The following LUZP1 variants were observed in gnomAD, a reference collection of about 807,000 sequenced individuals.
The protein encoded by LUZP1 is filamin mechanobinding actin cross-linking protein.
LUZP1 carries 25 observed loss-of-function variants against 71.3 expected under a neutral mutation model. The ratio of observed to expected loss-of-function variants is 0.35; its 90% CI spans 0.26 to 0.49. The LOEUF is 0.49. LUZP1 is among the 20% of genes least tolerant of loss of function. The pLI is 0.99. For missense variants in LUZP1, 1,142 were observed against 1,300.8 expected, an observed-to-expected ratio of 0.88 and a Z score of 1.88; for synonymous variants, 481 against 506.4, an observed-to-expected ratio of 0.95 and a Z score of 0.67.
chr1:23,137,378 C>T (rs1048058873), intron 2 of LUZP1, among the ~76,000 whole-genome samples: 6 of 152,324 alleles, frequency 3.9e-5, no homozygotes, highest in Admixed American at 3.3e-4. Context: ...TGGTGGCTCA[C>T]ACCTGTAATC....
exon 5 of LUZP1, chr1:23,087,819 A>AT (rs1316282466): frequency 6.5e-6 from 1 of 152,674 alleles, no homozygotes; most frequent in East Asian, 1.9e-4. Flanking sequence ...CGAAGTCATC[A>AT]TGATAGTCGA....
intron 2 of LUZP1, among the ~76,000 whole-genome samples, chr1:23,151,895 G>A (rs1052459146): frequency 7.3e-5 from 11 of 151,694 alleles, no homozygotes; most frequent in South Asian, 4.2e-4. Flanking sequence ...CCAGCTGCTC[G>A]GGAGGCTGAG....
At chr1:23,113,232 C>T (rs1333686641) in intron 2 of LUZP1, among the ~76,000 whole-genome samples, 1 of 151,806 alleles carries the variant, frequency 6.6e-6, no homozygotes, top group Non-Finnish European at 1.5e-5. Flanking sequence ...ACTGTCTCTA[C>T]AAAAAATGAA....
intron 2 of LUZP1, among the ~76,000 whole-genome samples, chr1:23,151,764 G>C (rs1644386598): frequency 6.6e-6 from 1 of 152,150 alleles, no homozygotes. Context: ...CTGCACTTGG[G>C]AGGCCAGGGC....
chr1:23,149,019 T>C (rs922759222), intron 2 of LUZP1, among the ~76,000 whole-genome samples: 2 of 129,020 alleles, frequency 1.6e-5, no homozygotes, highest in East Asian at 4.5e-4. Context: ...AGGTCGAGGC[T>C]GCAGTGAGCC....
At chr1:23,142,068 A>T (rs1199974167) in intron 2 of LUZP1, among the ~76,000 whole-genome samples, 1 of 146,618 alleles carries the variant, frequency 6.8e-6, no homozygotes, top group Non-Finnish European at 1.5e-5. Flanking sequence ...GTGGTCTTGA[A>T]CTCCCAACCT....
intron 2 of LUZP1, among the ~76,000 whole-genome samples, chr1:23,125,925 G>A (rs1306902918): frequency 1.3e-5 from 2 of 152,110 alleles, no homozygotes; most frequent in African/African-American, 4.8e-5. Flanking sequence ...ACTTCATATG[G>A]ATATACAATT....
At chr1:23,110,635 TACACACACACAC>T (rs1553137224) in intron 2 of LUZP1, among the ~76,000 whole-genome samples, 1 of 41,848 alleles carries the variant, frequency 2.4e-5, no homozygotes, top group Non-Finnish European at 8.5e-5. Flanking sequence ...CGCGCACACA[TACACACACACAC>T]ACACACACAC....
At chr1:23,088,078 A>G (rs1643792962) in exon 5 of LUZP1, 1 of 152,658 alleles carries the variant, frequency 6.6e-6, no homozygotes, top group Admixed American at 6.5e-5. Context: ...GGAAACAATG[A>G]AGTCAGCTTG....
chr1:23,116,179 G>A (rs923041201), intron 2 of LUZP1, among the ~76,000 whole-genome samples: 5 of 152,114 alleles, frequency 3.3e-5, no homozygotes, highest in Admixed American at 6.5e-5. Flanking sequence ...TCAGGAGATC[G>A]AGACCAGCCT....
At chr1:23,165,062 T>C (rs1263540363) in intron 2 of LUZP1, among the ~76,000 whole-genome samples, 1 of 152,232 alleles carries the variant, frequency 6.6e-6, no homozygotes, top group Admixed American at 6.5e-5. Context: ...TAAATGTCTC[T>C]CCTTATTCTT....
intron 2 of LUZP1, among the ~76,000 whole-genome samples, chr1:23,111,391 C>CAA (rs530620134): frequency 2.1e-4 from 30 of 141,172 alleles, no homozygotes; most frequent in Non-Finnish European, 2.5e-4. Context: ...CCCATCTCTA[C>CAA]AAAAAAAAAA....
At chr1:23,111,496 G>C (rs1200881260) in intron 2 of LUZP1, among the ~76,000 whole-genome samples, 1 of 152,104 alleles carries the variant, frequency 6.6e-6, no homozygotes, top group Non-Finnish European at 1.5e-5. Flanking sequence ...AGAAGTTTGA[G>C]GCTGCTGTGA....
At chr1:23,159,211 G>C (rs1337594913) in intron 2 of LUZP1, among the ~76,000 whole-genome samples, 3 of 151,608 alleles carry the variant, frequency 2.0e-5, no homozygotes, top group African/African-American at 7.3e-5. Flanking sequence ...CGTGGTGGCG[G>C]GCACCTGTAG....
intron 2 of LUZP1, among the ~76,000 whole-genome samples, chr1:23,164,536 G>C (rs1387684856): frequency 6.6e-6 from 1 of 151,642 alleles, no homozygotes; most frequent in Non-Finnish European, 1.5e-5. Flanking sequence ...AATGAATAAA[G>C]ATAAAATCAA....
exon 4 of LUZP1, chr1:23,092,636 C>G: frequency 1.2e-6 from 2 of 1,614,198 alleles, no homozygotes; most frequent in Non-Finnish European, 1.7e-6. Flanking sequence ...GCACGTGTCC[C>G]CTCTTGCCAA....
chr1:23,151,894 C>A (rs1372640705), intron 2 of LUZP1, among the ~76,000 whole-genome samples: 1 of 151,114 alleles, frequency 6.6e-6, no homozygotes, highest in South Asian at 2.1e-4. Flanking sequence ...CCCAGCTGCT[C>A]GGGAGGCTGA....
chr1:23,172,526 T>C (rs888447475), intron 1 of LUZP1, among the ~76,000 whole-genome samples: 1 of 151,230 alleles, frequency 6.6e-6, no homozygotes, highest in African/African-American at 2.4e-5. Context: ...TTTATTTTTT[T>C]TTTTTTAGAC....
At chr1:23,127,643 C>A (rs538430100) in intron 2 of LUZP1, among the ~76,000 whole-genome samples, 24 of 152,256 alleles carry the variant, frequency 1.6e-4, no homozygotes, top group Non-Finnish European at 3.5e-4. Flanking sequence ...CCTGCCTCAG[C>A]CTCCCAAGTA....
Sources: gnomAD v4.1 joint callset for allele counts (sites outside exome capture counted in the v4.1 genomes callset) on GRCh38, gnomAD v4.1.1 for gene constraint, MANE v1.5 for transcripts, NCBI Gene and HGNC (gene_info 2026-07-23, HGNC 2026-07-21) for gene names.